CNTNAP5: variants seen among roughly 807,000 people sequenced by gnomAD.
CNTNAP5 encodes contactin associated protein family member 5.
CNTNAP5 carries 72 observed loss-of-function variants against 150.2 expected under a neutral mutation model. That is an observed-to-expected ratio of 0.48 (90% CI 0.40 to 0.58). The LOEUF is 0.58. Ranked by LOEUF, CNTNAP5 falls within the 20% of genes least tolerant of loss-of-function variation. The probability of loss-of-function intolerance (pLI) is 0.00; values close to 1 mark genes in which losing one functional copy is unlikely to be tolerated. For missense variants in CNTNAP5, 1,636 were observed against 1,626.2 expected, an observed-to-expected ratio of 1.01 and a Z score of -0.10; for synonymous variants, 672 against 619.8, an observed-to-expected ratio of 1.08 and a Z score of -1.25.
chr2:124,616,526 C>T (rs1677496888), intron 12 of CNTNAP5, among the ~76,000 whole-genome samples: 1 of 152,164 alleles, frequency 6.6e-6, no homozygotes, highest in Admixed American at 6.6e-5. Flanking sequence ...CTCCACATCA[C>T]CCAGAAGGCT....
intron 10 of CNTNAP5, among the ~76,000 whole-genome samples, chr2:124,531,612 C>T (rs906922289): frequency 6.6e-6 from 1 of 152,106 alleles, no homozygotes; most frequent in Non-Finnish European, 1.5e-5. Context: ...AATATCCCCA[C>T]CTTCTAAAAG....
At chr2:124,213,759 TAAC>T (rs900819985) in intron 1 of CNTNAP5, among the ~76,000 whole-genome samples, 2 of 151,584 alleles carry the variant, frequency 1.3e-5, no homozygotes, top group African/African-American at 4.8e-5. Flanking sequence ...AATCAAAACA[TAAC>T]AAAAAAAAAT....
chr2:124,803,357 C>G (rs1188509158), intron 19 of CNTNAP5, among the ~76,000 whole-genome samples: 1 of 152,054 alleles, frequency 6.6e-6, no homozygotes, highest in Non-Finnish European at 1.5e-5. Context: ...TTTGATTGTT[C>G]CTCATTTTCT....
At chr2:124,390,567 G>A (rs1004368108) in intron 3 of CNTNAP5, among the ~76,000 whole-genome samples, 1 of 152,192 alleles carries the variant, frequency 6.6e-6, no homozygotes, top group South Asian at 2.1e-4. Flanking sequence ...GTAGTAGGGT[G>A]CAGTTAATCA....
chr2:124,230,858 C>G (rs115004575), intron 2 of CNTNAP5, among the ~76,000 whole-genome samples: 2,022 of 152,214 alleles, frequency 0.013, 49 homozygotes, highest in African/African-American at 0.046. Flanking sequence ...AGACAGTAAG[C>G]TATACAGAAA....
At chr2:124,135,114 T>C (rs539460648) in intron 1 of CNTNAP5, 10 of 151,768 alleles carry the variant, frequency 6.6e-5, no homozygotes, top group Admixed American at 5.3e-4. Flanking sequence ...TAAGAAAGCC[T>C]GGAGAACAAG....
In CNTNAP5 at chr2:124,656,207, C is replaced by G. The variant is rs186275226; in HGVS notation, c.2077+8249C>G. On this transcript the variant is annotated intron_variant, in intron 13 of 23. Transcript: ENST00000682447. ...AAATTTTACATGAATAGTCAACTAC[C>G]CTAAGAAATGCAGTGAATACAGGGC... Among the ~76,000 whole-genome samples the G allele has an allele frequency of 2.0e-3, 310 of 152,142 alleles. 1 individual carries two copies. Among genetic ancestry groups the G allele is most frequent in the Non-Finnish European group, 3.5e-3 (238 of 67,996 alleles).
chr2:124,430,208 G>A (rs1036001899), intron 4 of CNTNAP5, among the ~76,000 whole-genome samples: 15 of 152,166 alleles, frequency 9.9e-5, no homozygotes, highest in African/African-American at 3.6e-4. Flanking sequence ...CAGCGCATGG[G>A]AAAGAGCTCA....
In CNTNAP5 at chr2:124,657,792, G is replaced by A. The variant is rs543819354; in HGVS notation, c.2077+9834G>A. 9.7e-4 allele frequency among the ~76,000 whole-genome samples: 148 copies of A among 152,234 alleles called. 1 individual carries two copies. Among genetic ancestry groups the A allele is most frequent in the Non-Finnish European group, 1.7e-3 (115 of 68,016 alleles). ...CCAGCTTGCCCCACCTCTCAGACCT[G>A]ATACACTGACTGCTCTCTCTACCCA... is the stretch of plus-strand genomic sequence containing the variant. On this transcript the variant is annotated intron_variant, in intron 13 of 23. Transcript: ENST00000682447.
intron 19 of CNTNAP5, among the ~76,000 whole-genome samples, chr2:124,834,117 C>A (rs1682775433): frequency 6.6e-6 from 1 of 152,116 alleles, no homozygotes; most frequent in African/African-American, 2.4e-5. Context: ...TAGTATTATT[C>A]CACATCATGA....
intron 19 of CNTNAP5, among the ~76,000 whole-genome samples, chr2:124,849,038 G>A (rs1683104406): frequency 6.6e-6 from 1 of 152,004 alleles, no homozygotes; most frequent in African/African-American, 2.4e-5. Flanking sequence ...TATTCTTTTG[G>A]TGTCATATAA....
intron 21 of CNTNAP5, among the ~76,000 whole-genome samples, chr2:124,894,941 A>C (rs1045792326): frequency 7.3e-5 from 11 of 151,410 alleles, no homozygotes; most frequent in Admixed American, 6.6e-4. Flanking sequence ...AGGAGTTTTA[A>C]ATTTGGTTAT....
intron 16 of CNTNAP5, among the ~76,000 whole-genome samples, chr2:124,770,367 T>C (rs1681163516): frequency 1.3e-5 from 2 of 152,106 alleles, no homozygotes; most frequent in Admixed American, 6.5e-5. Flanking sequence ...TTATGGAGGT[T>C]GTGGTCAGGG....
In CNTNAP5 at chr2:124,211,219, A is replaced by G. The variant is rs532596695; in HGVS notation, c.83-10486A>G. 4.9e-4 allele frequency among the ~76,000 whole-genome samples: 75 copies of G among 152,302 alleles called. 1 individual carries two copies. The highest frequency in any genetic ancestry group is 1.8e-3 in the Admixed American group (28 of 15,296). The stretch of plus-strand genomic sequence containing the variant: ...GAAATATGTAGTAGATAGTCCTGGG[A>G]ATATCATTTTTCAAGGACAGTAGTT... On this transcript the variant is annotated intron_variant, in intron 1 of 23. Transcript: ENST00000682447.
intron 19 of CNTNAP5, among the ~76,000 whole-genome samples, chr2:124,825,589 C>T (rs567885544): frequency 6.6e-6 from 1 of 152,210 alleles, no homozygotes; most frequent in African/African-American, 2.4e-5. Flanking sequence ...TGGCACTTTC[C>T]TGCTTGGATA....
intron 3 of CNTNAP5, among the ~76,000 whole-genome samples, chr2:124,269,574 T>C (rs1352318065): frequency 1.3e-5 from 2 of 151,984 alleles, no homozygotes; most frequent in Admixed American, 6.6e-5. Flanking sequence ...GGAGAGGGAT[T>C]TTTTTCGCCT....
intron 7 of CNTNAP5, among the ~76,000 whole-genome samples, chr2:124,479,160 A>G (rs1045091570): frequency 5.9e-5 from 9 of 152,226 alleles, no homozygotes; most frequent in African/African-American, 1.9e-4. Context: ...ATGCTAATAC[A>G]GCACTATATA....
chr2:124,541,893 A>G (rs1418371903), intron 10 of CNTNAP5, among the ~76,000 whole-genome samples: 1 of 152,088 alleles, frequency 6.6e-6, no homozygotes, highest in African/African-American at 2.4e-5. Flanking sequence ...TAAAATGTCT[A>G]TTTGCAACCA....
intron 1 of CNTNAP5, among the ~76,000 whole-genome samples, chr2:124,219,805 G>T (rs1436514274): frequency 6.6e-6 from 1 of 152,044 alleles, no homozygotes; most frequent in East Asian, 1.9e-4. Context: ...AGGTATGTAT[G>T]CACCTTCTGT....
Sources: allele counts gnomAD v4.1 joint callset (sites outside exome capture counted in the v4.1 genomes callset), GRCh38; gene constraint gnomAD v4.1.1; transcripts MANE v1.5; gene names NCBI Gene and HGNC (gene_info 2026-07-23, HGNC 2026-07-21).